ZNF384: variants seen among roughly 807,000 people sequenced by gnomAD.
ZNF384 encodes the protein zinc finger protein 384.
ZNF384 carries 20 observed loss-of-function variants against 65.0 expected under a neutral mutation model. The observed-to-expected ratio is 0.31, with a 90% CI of 0.22 to 0.45. The LOEUF (loss-of-function observed/expected upper bound fraction) is 0.45. Ranked by LOEUF, ZNF384 falls within the 20% of genes least tolerant of loss-of-function variation. The pLI is 1.00. For missense variants in ZNF384, 549 were observed against 769.4 expected (o/e 0.71, Z 3.39); for synonymous variants, 310 against 303.9 (o/e 1.02, Z -0.21).
intron 7 of ZNF384, 94 bp downstream of exon 7, chr12:6,677,073 T>C (rs1240039849): frequency 8.9e-6 from 3 of 337,412 alleles, no homozygotes; most frequent in Non-Finnish European, 5.8e-6. Context: ...AAATCTTATC[T>C]GATATATACT....
At chr12:6,677,908 G>C (rs985639861) in intron 6 of ZNF384, among the ~76,000 whole-genome samples, 1 of 152,056 alleles carries the variant, frequency 6.6e-6, no homozygotes, top group Non-Finnish European at 1.5e-5. Context: ...CCAAAACAAG[G>C]GTTAAAAAAA....
At chr12:6,680,294 T>C (rs567997658) in intron 2 of ZNF384, among the ~76,000 whole-genome samples, 3 of 151,812 alleles carry the variant, frequency 2.0e-5, no homozygotes, top group Admixed American at 2.0e-4. Context: ...CCAACCAATA[T>C]GTCTACAGTT....
At position 6,683,288 on chromosome 12, in the gene ZNF384, C is replaced by CA. The variant is rs530418197; in HGVS notation, c.-5-3764dup. Among the ~76,000 whole-genome samples the CA allele has an allele frequency of 5.6e-3, 763 of 135,988 alleles. 5 individuals carry two copies. The highest frequency in any genetic ancestry group is 9.6e-3 in the Non-Finnish European group (599 of 62,644). 89.2% of individuals were successfully genotyped at this position (135,988 alleles called of 152,430 possible). On this transcript the variant is annotated intron_variant, in intron 2 of 11. Transcript: ENST00000683879. ...CCTGGGCAACAGAGCAAGACTGTCT[C>CA]AAAAAAAAAATAAAATAAAATAAAA...
chr12:6,678,044 C>A lies in ZNF384; in HGVS notation c.686+83G>T. ...AAGCTGTCAGAGTGTAGCGCCTGACCGGGGCAGAACACAATGAGGGTACAG... is the reference window on the plus strand; with the variant it reads ...AAGCTGTCAGAGTGTAGCGCCTGACAGGGGCAGAACACAATGAGGGTACAG... On this transcript the variant is annotated intron_variant, in intron 6 of 11. Coordinates refer to ENST00000683879, the MANE Select transcript of ZNF384 (RefSeq NM_001385745.1). This position sits in a 1 kb window ranked among gnomAD's most constrained non-coding sequence, Gnocchi z 4.9. The A allele has an allele frequency of 7.5e-7, 1 of 1,332,038 alleles. No homozygotes were observed. The highest frequency in any genetic ancestry group is 2.0e-5 in the Admixed American group (1 of 49,518). The allele number at this position is 1,332,038 out of a possible 1,614,324, so 82.5% of individuals were successfully genotyped here.
intron 2 of ZNF384, among the ~76,000 whole-genome samples, chr12:6,683,985 CGAGCCTGGGCAACAGAGTGA>C (rs1234983579): frequency 6.6e-6 from 1 of 151,762 alleles, no homozygotes; most frequent in Non-Finnish European, 1.5e-5. Flanking sequence ...CCACTGCACT[CGAGCCTGGGCAACAGAGTGA>C]GAATCCGTCT....
chr12:6,686,673 C>T (rs1958024656), intron 2 of ZNF384, among the ~76,000 whole-genome samples: 1 of 152,036 alleles, frequency 6.6e-6, no homozygotes. Context: ...AGGATGAGGC[C>T]TGTATAAATA....
At chr12:6,669,288 A>G in intron 10 of ZNF384, 99 bp from the exon 11 acceptor site, 2 of 1,191,136 alleles carry the variant, frequency 1.7e-6, no homozygotes, top group Non-Finnish European at 2.4e-6. Flanking sequence ...CAGGCCTCCC[A>G]GCTTCTCCCT....
Position 6,673,811 on chromosome 12 carries a change from T to C in ZNF384, c.780-371A>G, listed in dbSNP as rs1483387276. On this transcript the variant is annotated intron_variant, in intron 7 of 11. Transcript: ENST00000683879. The surrounding 1 kb of genome is among the most constrained non-coding windows in gnomAD (Gnocchi z 4.7). ...ATTTAAGGAATTCCTTGCTCTGATG[T>C]TCCTATGTATGAAGCACATGCCTCT... Among the ~76,000 whole-genome samples the C allele has an allele frequency of 6.6e-6, 1 of 152,202 alleles. No homozygotes were observed. Among genetic ancestry groups the C allele is most frequent in the Non-Finnish European group, 1.5e-5 (1 of 68,038 alleles).
At chr12:6,685,994 C>T (rs1278628476) in intron 2 of ZNF384, among the ~76,000 whole-genome samples, 2 of 152,130 alleles carry the variant, frequency 1.3e-5, no homozygotes, top group African/African-American at 2.4e-5. Context: ...GTCTATCTGA[C>T]CACATCCTTC....
At chr12:6,680,602 G>A (rs1047931292) in intron 2 of ZNF384, among the ~76,000 whole-genome samples, 2 of 151,044 alleles carry the variant, frequency 1.3e-5, no homozygotes, top group Non-Finnish European at 2.9e-5. Flanking sequence ...AGCTGAGATC[G>A]CGCCACTGCA....
rs756009088 is a variant in ZNF384 at position 6,668,107 on chromosome 12, G to A, written c.1434C>T (p.Tyr478=). 9 of 1,584,340 alleles carry A rather than the reference G, an allele frequency of 5.7e-6. No individual in the cohort carries two copies. The highest frequency in any genetic ancestry group is 6.9e-6 in the Non-Finnish European group (8 of 1,163,520). ...ICSRAYTSET[Y]LMKHMRKHNP... ...TGTGTTTGCGCATATGTTTCATAAG[G>A]TATGTTTCCTGAGGGAGATGGTAAA... is the stretch of plus-strand genomic sequence containing the variant. Residue 478 remains tyrosine, a synonymous_variant, in exon 12 of 12, where the codon TAC becomes TAT. Coordinates refer to ENST00000683879, the MANE Select transcript of ZNF384 (RefSeq NM_001385745.1).
At chr12:6,683,633 G>C (rs1208998485) in intron 2 of ZNF384, among the ~76,000 whole-genome samples, 2 of 143,584 alleles carry the variant, frequency 1.4e-5, no homozygotes, top group Admixed American at 1.4e-4. Flanking sequence ...CCACAGTCCA[G>C]CCTGGGTGAC....
upstream of ZNF384, chr12:6,689,428 TCCC>T (rs1420500126): frequency 6.6e-6 from 1 of 150,394 alleles, no homozygotes; most frequent in Non-Finnish European, 1.5e-5. Context: ...CCCCCCTCCC[TCCC>T]CCCAACAGGC....
chr12:6,676,035 C>T (rs1953415304), intron 7 of ZNF384, among the ~76,000 whole-genome samples: 1 of 152,198 alleles, frequency 6.6e-6, no homozygotes, highest in East Asian at 1.9e-4. Flanking sequence ...CACAGTGGCT[C>T]ACACCTGTAA....
chr12:6,683,284 G>C (rs1049750597), intron 2 of ZNF384, among the ~76,000 whole-genome samples: 2 of 150,226 alleles, frequency 1.3e-5, no homozygotes, highest in African/African-American at 4.9e-5. Flanking sequence ...GAGCAAGACT[G>C]TCTCAAAAAA....
chr12:6,671,750 A>G (rs1054239682), intron 9 of ZNF384: 1 of 152,560 alleles, frequency 6.6e-6, no homozygotes, highest in African/African-American at 2.4e-5. Flanking sequence ...CCTTCTTCCT[A>G]GTCACTCCAG....
At chr12:6,685,801 A>AAGAAGGCAG (rs1957708423) in intron 2 of ZNF384, among the ~76,000 whole-genome samples, 2 of 150,442 alleles carry the variant, frequency 1.3e-5, no homozygotes, top group Admixed American at 6.6e-5. Context: ...AAAAAAAAAA[A>AAGAAGGCAG]GAAGGCAGGT....
intron 2 of ZNF384, among the ~76,000 whole-genome samples, chr12:6,683,150 G>T (rs913540780): frequency 7.3e-5 from 11 of 151,700 alleles, no homozygotes; most frequent in African/African-American, 2.4e-4. Context: ...AATTAGCCAG[G>T]CATGGTGGCA....
rs1002781634 is a variant in ZNF384, at chr12:6,676,507, T to G, written c.779+660A>C. On this transcript the variant is annotated intron_variant, in intron 7 of 11. Transcript: ENST00000683879. Reference sequence around the variant, plus strand: ...CTGTATATGTGCATTTCTTTTAATATATACAGTTTGGAAAGTCCAGAGATA... The same window carrying G: ...CTGTATATGTGCATTTCTTTTAATAGATACAGTTTGGAAAGTCCAGAGATA... 2.0e-5 allele frequency among the ~76,000 whole-genome samples: 3 copies of G among 152,204 alleles called. No homozygotes were observed. The South Asian group carries it at 6.2e-4, about 31-fold the overall frequency.
Sources: allele counts gnomAD v4.1 joint callset (sites outside exome capture counted in the v4.1 genomes callset), GRCh38; gene constraint gnomAD v4.1.1; non-coding constraint Gnocchi (gnomAD v3.1); transcripts MANE v1.5; gene names NCBI Gene and HGNC (gene_info 2026-07-23, HGNC 2026-07-21).